SUSD3: variants seen among roughly 807,000 people sequenced by gnomAD.
The protein encoded by SUSD3 is sushi domain-containing protein 3.
A neutral mutation model predicts 20.6 loss-of-function variants in SUSD3; 18 were observed. The ratio of observed to expected loss-of-function variants is 0.87; its 90% CI spans 0.60 to 1.30. The LOEUF (loss-of-function observed/expected upper bound fraction) is 1.30, where lower values mean the gene tolerates loss of function less well. Ranked by LOEUF, SUSD3 falls within the 50% of genes most tolerant of loss-of-function variation. The pLI is 0.00. For missense variants in SUSD3, 306 were observed against 346.9 expected (o/e 0.88, Z 0.94); for synonymous variants, 137 against 141.5 (o/e 0.97, Z 0.23).
At chr9:93,076,309 GT>G (rs1826164376) in intron 2 of SUSD3, among the ~76,000 whole-genome samples, 2 of 151,320 alleles carry the variant, frequency 1.3e-5, no homozygotes, top group African/African-American at 4.9e-5. Context: ...AACTATGTTT[GT>G]TCATTCATTC....
intron 1 of SUSD3, among the ~76,000 whole-genome samples, chr9:93,075,125 C>T (rs1462624186): frequency 6.6e-6 from 1 of 152,152 alleles, no homozygotes; most frequent in East Asian, 1.9e-4. Flanking sequence ...CCTCAATTGC[C>T]TGTGGGTCTG....
chr9:93,076,008 G>C (rs1826144637), intron 2 of SUSD3, 36 bp downstream of exon 2: 2 of 1,540,914 alleles, frequency 1.3e-6, no homozygotes, highest in Admixed American at 3.7e-5. Flanking sequence ...GGCTCTGGGG[G>C]TGGGGGATGG....
At chr9:93,068,864 A>ATAT (rs143699083) in intron 1 of SUSD3, among the ~76,000 whole-genome samples, 2 of 152,146 alleles carry the variant, frequency 1.3e-5, no homozygotes, top group South Asian at 2.1e-4. Context: ...AACTTCAGAT[A>ATAT]CTATATATGT....
At chr9:93,060,714 T>C (rs1467174082) in intron 1 of SUSD3, among the ~76,000 whole-genome samples, 1 of 152,086 alleles carries the variant, frequency 6.6e-6, no homozygotes, top group East Asian at 1.9e-4. Flanking sequence ...CATGCGCCTG[T>C]AGTCCCAGCT....
intron 4 of SUSD3, among the ~76,000 whole-genome samples, chr9:93,082,454 A>G (rs1031631914): frequency 6.6e-6 from 1 of 151,376 alleles, no homozygotes; most frequent in African/African-American, 2.4e-5. Flanking sequence ...AGTAGCTGGG[A>G]CCACAGGTGT....
rs899595371 is a variant in SUSD3, at chr9:93,084,343, G to A, written c.558-194G>A. On this transcript the variant is annotated intron_variant, in intron 4 of 4. Coordinates refer to ENST00000375472, the MANE Select transcript of SUSD3 (RefSeq NM_145006.4). ...AAGGACCCACTTGCCAACAGGGCCC[G>A]GCAGGGAGATGGAGTGACCTCTGTG... is the stretch of plus-strand genomic sequence containing the variant. 1.5e-4 allele frequency among the ~76,000 whole-genome samples: 23 copies of A among 151,590 alleles called. 1 individual carries two copies. The highest frequency in any genetic ancestry group is 5.3e-4 in the African/African-American group (22 of 41,250).
chr9:93,066,044 T>TCCTGCTCA (rs1207363874), intron 1 of SUSD3, among the ~76,000 whole-genome samples: 4 of 152,192 alleles, frequency 2.6e-5, no homozygotes, highest in Non-Finnish European at 5.9e-5. Flanking sequence ...TGGGAGGTTC[T>TCCTGCTCA]GCCTCCTGCT....
At chr9:93,070,405 C>G (rs928303708) in intron 1 of SUSD3, among the ~76,000 whole-genome samples, 1 of 152,214 alleles carries the variant, frequency 6.6e-6, no homozygotes, top group Non-Finnish European at 1.5e-5. Context: ...AGACAGGGAG[C>G]AGTCAGAATG....
intron 1 of SUSD3, among the ~76,000 whole-genome samples, chr9:93,071,370 TG>T (rs1256116865): frequency 6.6e-6 from 1 of 152,178 alleles, no homozygotes; most frequent in Non-Finnish European, 1.5e-5. Flanking sequence ...AAGCCACTGG[TG>T]TAAGTCCAAG....
rs368875745 is a variant in SUSD3 at position 93,063,761 on chromosome 9, C to T, written c.88+4931C>T. On this transcript the variant is annotated intron_variant, in intron 1 of 4. Coordinates refer to ENST00000375472, the MANE Select transcript of SUSD3 (RefSeq NM_145006.4). Reference sequence around the variant, plus strand: ...CCTCTGCTTGACTTATAAAGGAAAGCCATTCCAGCAGTGCACTTACATTAG... The same window carrying T: ...CCTCTGCTTGACTTATAAAGGAAAGTCATTCCAGCAGTGCACTTACATTAG... 7.2e-5 allele frequency among the ~76,000 whole-genome samples: 11 copies of T among 152,084 alleles called. No individual in the cohort carries two copies. The East Asian group carries it at 1.7e-3, about 24-fold the overall frequency.
chr9:93,083,061 C>G (rs531999213), intron 4 of SUSD3, among the ~76,000 whole-genome samples: 5 of 152,218 alleles, frequency 3.3e-5, no homozygotes, highest in African/African-American at 4.8e-5. Context: ...GTGTTCACCC[C>G]CTCTGGGGAG....
At chr9:93,069,118 G>A in intron 1 of SUSD3, 1 of 702,830 alleles carries the variant, frequency 1.4e-6, no homozygotes, top group Non-Finnish European at 2.6e-6. Context: ...CATAGGCCTT[G>A]TGATGGAATG....
rs267602318 is a variant in SUSD3 at position 93,079,516 on chromosome 9, G to A, written c.471G>A (p.Thr157=). ...AGCTGAAAGATGAGGACTTGGAGACGGTGCAGGCCGCATACCTTGGCCTCA... is the reference window on the plus strand; with the variant it reads ...AGCTGAAAGATGAGGACTTGGAGACAGTGCAGGCCGCATACCTTGGCCTCA... ...WSQLKDEDLE[T]VQAAYLGLKH... The change falls in exon 4 of 5, where the codon ACG becomes ACA. Residue 157 remains threonine, a synonymous_variant. Coordinates refer to ENST00000375472, the MANE Select transcript of SUSD3 (RefSeq NM_145006.4). 11 of 1,614,008 alleles carry A rather than the reference G, an allele frequency of 6.8e-6. No individual in the cohort carries two copies. The highest frequency in any genetic ancestry group is 2.7e-5 in the African/African-American group (2 of 74,926).
chr9:93,079,721 C>T (rs1364875397), intron 4 of SUSD3, 119 bp downstream of exon 4: 4 of 1,073,810 alleles, frequency 3.7e-6, no homozygotes, highest in Non-Finnish European at 4.0e-6. Flanking sequence ...GCCTAGCCCA[C>T]CCAGAACCTT....
intron 3 of SUSD3, among the ~76,000 whole-genome samples, chr9:93,078,486 C>G (rs1319368376): frequency 6.6e-6 from 1 of 152,196 alleles, no homozygotes; most frequent in Non-Finnish European, 1.5e-5. Flanking sequence ...TCTCAAACTC[C>G]TGACCTCTGG....
chr9:93,082,890 G>C (rs1290168851), intron 4 of SUSD3, among the ~76,000 whole-genome samples: 2 of 152,236 alleles, frequency 1.3e-5, no homozygotes, highest in Non-Finnish European at 2.9e-5. Context: ...TTGCTGGCCA[G>C]AGCATGATGC....
intron 1 of SUSD3, among the ~76,000 whole-genome samples, chr9:93,066,082 C>T (rs1423525670): frequency 6.6e-6 from 1 of 152,220 alleles, no homozygotes; most frequent in African/African-American, 2.4e-5. Flanking sequence ...CCATGCCCTC[C>T]ATCCCCCTGA....
Position 93,067,436 on chromosome 9 carries a change from T to C in SUSD3, c.89-8348T>C, listed in dbSNP as rs77036112. Among the ~76,000 whole-genome samples, 392 of 152,310 alleles carry C rather than the reference T, an allele frequency of 2.6e-3. 1 individual carries two copies. The highest frequency in any genetic ancestry group is 8.6e-3 in the African/African-American group (359 of 41,566). On this transcript the variant is annotated intron_variant, in intron 1 of 4. Coordinates refer to ENST00000375472, the MANE Select transcript of SUSD3 (RefSeq NM_145006.4). Reference sequence around the variant, plus strand: ...GGTATTTTCATTTCTCTTGGCTGATTACCTAGCAGTGGAATTACTGGATCA... The same window carrying C: ...GGTATTTTCATTTCTCTTGGCTGATCACCTAGCAGTGGAATTACTGGATCA...
chr9:93,079,448 C>G, intron 3 of SUSD3, 23 bp from the exon 4 acceptor site: 1 of 1,612,662 alleles, frequency 6.2e-7, no homozygotes, highest in Non-Finnish European at 8.5e-7. Flanking sequence ...GCTCAGAGTC[C>G]TTCCTCCCAA....
Sources: allele counts gnomAD v4.1 joint callset (sites outside exome capture counted in the v4.1 genomes callset), GRCh38; gene constraint gnomAD v4.1.1; transcripts MANE v1.5; gene names NCBI Gene and HGNC (gene_info 2026-07-23, HGNC 2026-07-21).